The following SPECC1L variants were observed in gnomAD, a reference collection of about 807,000 sequenced individuals.
SPECC1L encodes the protein cytospin-A.
Under a neutral mutation model 116.8 loss-of-function variants are expected in SPECC1L, and 40 were observed. The ratio of observed to expected loss-of-function variants is 0.34; its 90% CI spans 0.27 to 0.45. SPECC1L has a LOEUF of 0.45. Among genes scored for constraint, SPECC1L ranks in the 20% least tolerant of loss-of-function variants. The pLI, the probability that SPECC1L is intolerant of heterozygous loss-of-function variation, is 1.00. For synonymous variants in SPECC1L, 504 were observed against 500.6 expected (o/e 1.01, Z -0.09); for missense variants, 1,110 against 1,373.6 (o/e 0.81, Z 3.03).
intron 6 of SPECC1L, among the ~76,000 whole-genome samples, chr22:24,328,040 C>T (rs974567077): frequency 2.6e-5 from 4 of 152,156 alleles, no homozygotes; most frequent in African/African-American, 4.8e-5. Flanking sequence ...CAGCCGTAAG[C>T]GGTTTACTTA....
chr22:24,412,604 C>G (rs1359433823), intron 15 of SPECC1L, 44 bp from the exon 16 acceptor site: 1 of 1,604,648 alleles, frequency 6.2e-7, no homozygotes, highest in South Asian at 1.1e-5. Context: ...GTGACTTTCT[C>G]TGTGCCTTGT....
intron 14 of SPECC1L, among the ~76,000 whole-genome samples, chr22:24,373,292 A>C (rs190267592): frequency 6.6e-6 from 1 of 152,302 alleles, no homozygotes; most frequent in Admixed American, 6.5e-5. Flanking sequence ...GTTCATATGG[A>C]ACCAAAAAAG....
intron 14 of SPECC1L, among the ~76,000 whole-genome samples, chr22:24,401,979 G>A (rs1033827332): frequency 1.3e-5 from 2 of 151,898 alleles, no homozygotes; most frequent in African/African-American, 4.8e-5. Flanking sequence ...GCTCCACCTC[G>A]GCCGCCTGCC....
At position 24,313,363 on chromosome 22, in the gene SPECC1L, G is replaced by C; in HGVS notation, c.204G>C (p.Val68=). 1.9e-6 allele frequency: 3 copies of C among 1,614,154 alleles called. No homozygotes were observed. Among genetic ancestry groups the C allele is most frequent in the Non-Finnish European group, 2.5e-6 (3 of 1,180,018 alleles). The stretch of plus-strand genomic sequence containing the variant: ...CTGGAATGGCCGGAGGGGTAACGGT[G>C]ACTAATGGTGTTAAAGGAAAGAAAA... The part of the protein sequence containing the change: ...LLAGMAGGVT[V]TNGVKGKKST... The change falls in exon 4 of 17, where the codon GTG becomes GTC. Residue 68 remains valine (V), a synonymous_variant. Coordinates refer to ENST00000314328, the MANE Select transcript of SPECC1L (RefSeq NM_015330.6).
At chr22:24,310,690 T>C in intron 3 of SPECC1L, among the ~76,000 whole-genome samples, 1 of 152,186 alleles carries the variant, frequency 6.6e-6, no homozygotes, top group Non-Finnish European at 1.5e-5. Flanking sequence ...TCCCCTCAAT[T>C]TTAAAGCATT....
chr22:24,306,777 A>C (rs2049507290), intron 3 of SPECC1L, among the ~76,000 whole-genome samples: 1 of 152,172 alleles, frequency 6.6e-6, no homozygotes, highest in African/African-American at 2.4e-5. Context: ...TGCTAAACTG[A>C]ATCTCTGTAC....
chr22:24,402,363 A>G (rs550351356), intron 14 of SPECC1L, among the ~76,000 whole-genome samples: 2 of 151,990 alleles, frequency 1.3e-5, no homozygotes, highest in African/African-American at 4.8e-5. Context: ...AGAGATATCA[A>G]TCAACAGTCT....
intron 6 of SPECC1L, among the ~76,000 whole-genome samples, chr22:24,324,651 G>A (rs2040783337): frequency 6.6e-6 from 1 of 152,146 alleles, no homozygotes; most frequent in African/African-American, 2.4e-5. Context: ...AGGAGTTTGA[G>A]ACCAGCCTGG....
At chr22:24,375,905 A>T (rs1001089316) in intron 14 of SPECC1L, among the ~76,000 whole-genome samples, 1 of 152,076 alleles carries the variant, frequency 6.6e-6, no homozygotes, top group Non-Finnish European at 1.5e-5. Context: ...AGCTGATAAC[A>T]CACCACTGCA....
chr22:24,391,740 A>G (rs2042277589), intron 14 of SPECC1L, among the ~76,000 whole-genome samples: 1 of 152,202 alleles, frequency 6.6e-6, no homozygotes, highest in African/African-American at 2.4e-5. Flanking sequence ...TAGATGGGCT[A>G]CTGGCGGTGG....
intron 14 of SPECC1L, among the ~76,000 whole-genome samples, chr22:24,380,403 G>A (rs954913313): frequency 1.3e-5 from 2 of 152,128 alleles, no homozygotes; most frequent in Non-Finnish European, 2.9e-5. Flanking sequence ...AAGCTGTTAC[G>A]TGACACTTAG....
At chr22:24,291,911 AATT>A (rs1212113694) in intron 2 of SPECC1L, among the ~76,000 whole-genome samples, 23 of 152,304 alleles carry the variant, frequency 1.5e-4, no homozygotes, top group Admixed American at 7.2e-4. Flanking sequence ...AAGCACAGAG[AATT>A]ATTAATTAAA....
chr22:24,295,701 C>T (rs1287983896), intron 2 of SPECC1L, among the ~76,000 whole-genome samples: 1 of 152,118 alleles, frequency 6.6e-6, no homozygotes, highest in Non-Finnish European at 1.5e-5. Flanking sequence ...CTTGTAATCT[C>T]AGCACTTTGG....
rs1207900262 is a variant in SPECC1L, at chr22:24,372,061, A to C, written c.3087+2741A>C. On this transcript the variant is annotated intron_variant, in intron 14 of 16. Transcript: ENST00000314328. ...TAAACACCCACCTTTACAAAGAGGA[A>C]AGATCTCAAAGCAGTAATCTAAGTT... Among the ~76,000 whole-genome samples, 5 of 152,172 alleles carry C rather than the reference A, an allele frequency of 3.3e-5. No homozygotes were observed. In the East Asian group the frequency reaches 9.6e-4, roughly 29 times the overall value.
chr22:24,302,943 G>A (rs1197548183), intron 3 of SPECC1L, among the ~76,000 whole-genome samples: 6 of 151,986 alleles, frequency 3.9e-5, no homozygotes, highest in Non-Finnish European at 8.8e-5. Flanking sequence ...TGATGATGAT[G>A]ATGATGATTA....
intron 2 of SPECC1L, among the ~76,000 whole-genome samples, chr22:24,288,644 T>TTTTTTTTTTTTG (rs2049097699): frequency 7.2e-5 from 9 of 125,360 alleles, no homozygotes; most frequent in African/African-American, 2.3e-4. Context: ...TTTTTTTTTT[T>TTTTTTTTTTTTG]GGACATATCC....
chr22:24,414,449 A>G (rs1569452468), intron 16 of SPECC1L, 85 bp from the exon 17 acceptor site: 8 of 1,106,476 alleles, frequency 7.2e-6, no homozygotes, highest in Admixed American at 1.9e-5. Flanking sequence ...TCCAACTCCA[A>G]GAGCCCATGT....
Position 24,317,699 on chromosome 22 carries a change from G to A in SPECC1L, c.308-3589G>A, listed in dbSNP as rs571832577. ...TCCCTCCTGGACGGGGTGGCTGCCC[G>A]GCAGAGATGCTCCTCACTTCCCAGA... On this transcript the variant is annotated intron_variant, in intron 4 of 16. Coordinates refer to ENST00000314328, the MANE Select transcript of SPECC1L (RefSeq NM_015330.6). Among the ~76,000 whole-genome samples, 5 of 152,226 alleles carry A rather than the reference G, an allele frequency of 3.3e-5. No individual in the cohort carries two copies. In the East Asian group the frequency reaches 7.8e-4, roughly 24 times the overall value.
intron 2 of SPECC1L, among the ~76,000 whole-genome samples, chr22:24,281,921 C>A (rs2048951145): frequency 6.6e-6 from 1 of 152,214 alleles, no homozygotes; most frequent in Admixed American, 6.5e-5. Flanking sequence ...GTAATTCAGG[C>A]AGAGCCTGCT....
Sources: gnomAD v4.1 joint callset for allele counts (sites outside exome capture counted in the v4.1 genomes callset) on GRCh38, gnomAD v4.1.1 for gene constraint, MANE v1.5 for transcripts, NCBI Gene and HGNC (gene_info 2026-07-23, HGNC 2026-07-21) for gene names.